Variants in SEMA3E observed in about 807,000 individuals in gnomAD.
SEMA3E encodes the protein semaphorin-3E.
In SEMA3E, 49 loss-of-function variants were observed where a neutral mutation model predicts 93.6. The ratio of observed to expected loss-of-function variants is 0.52; its 90% CI spans 0.42 to 0.66. The LOEUF (loss-of-function observed/expected upper bound fraction) is 0.66. SEMA3E is among the 30% of genes least tolerant of loss of function. The pLI is 0.00. For synonymous variants in SEMA3E, 363 were observed against 330.7 expected (o/e 1.10, Z -1.06); for missense variants, 906 against 964.8 (o/e 0.94, Z 0.81).
chr7:83,600,590 G>A (rs13311093), intron 1 of SEMA3E, among the ~76,000 whole-genome samples: 9 of 140,534 alleles, frequency 6.4e-5, no homozygotes, highest in Admixed American at 4.0e-4. Context: ...CTCGTGATCC[G>A]CCCTCCTCGG....
At chr7:83,525,531 A>G (rs1395111152) in intron 1 of SEMA3E, among the ~76,000 whole-genome samples, 2 of 105,020 alleles carry the variant, frequency 1.9e-5, no homozygotes, top group Admixed American at 1.9e-4. Context: ...TTGTTTTCTC[A>G]TGTATTTTTT....
chr7:83,532,845 A>T (rs567452386), intron 1 of SEMA3E, among the ~76,000 whole-genome samples: 1 of 151,956 alleles, frequency 6.6e-6, no homozygotes, highest in Non-Finnish European at 1.5e-5. Flanking sequence ...TGCTTCAACC[A>T]TTTGTGTGTG....
chr7:83,470,455 T>C (rs1248973948), intron 2 of SEMA3E, among the ~76,000 whole-genome samples: 1 of 152,150 alleles, frequency 6.6e-6, no homozygotes, highest in Non-Finnish European at 1.5e-5. Context: ...CTTTATTTTA[T>C]TTTTTCCTTC....
intron 4 of SEMA3E, among the ~76,000 whole-genome samples, chr7:83,455,402 C>T (rs1789459424): frequency 6.6e-6 from 1 of 152,204 alleles, no homozygotes; most frequent in Non-Finnish European, 1.5e-5. Flanking sequence ...AAAAGAACAG[C>T]TTCATTTCTC....
chr7:83,380,678 G>C (rs1270290364), intron 16 of SEMA3E, among the ~76,000 whole-genome samples: 1 of 151,872 alleles, frequency 6.6e-6, no homozygotes, highest in Non-Finnish European at 1.5e-5. Context: ...GGTTTCAACA[G>C]AATCTTTAAG....
chr7:83,487,823 G>A (rs1790298595), intron 2 of SEMA3E, among the ~76,000 whole-genome samples: 1 of 151,834 alleles, frequency 6.6e-6, no homozygotes, highest in South Asian at 2.1e-4. Context: ...AGAAAGAAAG[G>A]AAAGATAGGG....
chr7:83,367,977 T>C lies in SEMA3E; in HGVS notation c.1937A>G (p.Lys646Arg). 2 of 1,613,940 alleles carry C rather than the reference T, an allele frequency of 1.2e-6. No homozygotes were observed. Among genetic ancestry groups the C allele is most frequent in the Non-Finnish European group, 1.7e-6 (2 of 1,179,936 alleles). The change falls in exon 17 of 17, where the codon AAA becomes AGA. Residue 646 changes from lysine (K) to arginine (R), a missense_variant. Lys to Arg is a conservative substitution (Grantham distance 26). Coordinates refer to ENST00000643230, the MANE Select transcript of SEMA3E (RefSeq NM_012431.3). The stretch of plus-strand genomic sequence containing the variant: ...GCAAAAATAGGTCCCAGCATCTGAT[T>C]TGTGTAACCTTAGGAAGAGTAAACC... ...DLGLLFLRLH[K>R]SDAGTYFCQT...
intron 1 of SEMA3E, among the ~76,000 whole-genome samples, chr7:83,574,472 GAGAGA>G (rs1792358906): frequency 8.5e-6 from 1 of 117,228 alleles, no homozygotes; most frequent in South Asian, 2.4e-4. Context: ...AAAAAAAAAA[GAGAGA>G]GAGAGACTAA....
chr7:83,488,959 A>G (rs557278327), intron 2 of SEMA3E, among the ~76,000 whole-genome samples: 124 of 152,184 alleles, frequency 8.1e-4, no homozygotes, highest in Non-Finnish European at 8.4e-4. Context: ...CAAGAGGAAC[A>G]AGAAAATTGT....
chr7:83,605,735 A>C (rs1161067973), intron 1 of SEMA3E, among the ~76,000 whole-genome samples: 1 of 152,010 alleles, frequency 6.6e-6, no homozygotes, highest in African/African-American at 2.4e-5. Flanking sequence ...CCTGGCCATA[A>C]ATGTCTTCTT....
intron 1 of SEMA3E, among the ~76,000 whole-genome samples, chr7:83,533,601 G>C (rs55878104): frequency 2.7e-5 from 1 of 36,926 alleles, no homozygotes; most frequent in Non-Finnish European, 1.3e-4. Context: ...TAAAATAAAT[G>C]AAACAAGCAA....
At chr7:83,627,489 A>G (rs1793693901) in intron 1 of SEMA3E, among the ~76,000 whole-genome samples, 1 of 152,012 alleles carries the variant, frequency 6.6e-6, no homozygotes, top group Non-Finnish European at 1.5e-5. Context: ...GTGTTCCTCT[A>G]TTAGGTGCAT....
At chr7:83,390,465 T>C (rs1283098459) in intron 14 of SEMA3E, among the ~76,000 whole-genome samples, 3 of 152,086 alleles carry the variant, frequency 2.0e-5, no homozygotes, top group Non-Finnish European at 4.4e-5. Context: ...AACCATAGTG[T>C]ATTTTGGAAG....
chr7:83,622,374 T>G (rs1279270912), intron 1 of SEMA3E, among the ~76,000 whole-genome samples: 1 of 152,176 alleles, frequency 6.6e-6, no homozygotes, highest in Non-Finnish European at 1.5e-5. Flanking sequence ...GCTTATACAC[T>G]GTTAGTGGAA....
intron 2 of SEMA3E, among the ~76,000 whole-genome samples, chr7:83,477,772 C>T (rs892638748): frequency 3.3e-5 from 5 of 151,708 alleles, no homozygotes; most frequent in African/African-American, 1.2e-4. Flanking sequence ...TTCTTCTACT[C>T]GATAAAAAAT....
At chr7:83,549,708 T>C (rs564585682) in intron 1 of SEMA3E, among the ~76,000 whole-genome samples, 21 of 152,212 alleles carry the variant, frequency 1.4e-4, no homozygotes, top group African/African-American at 5.1e-4. Context: ...TATCCACTTA[T>C]TTTCATCTTC....
intron 16 of SEMA3E, 34 bp downstream of exon 16, chr7:83,385,260 A>G (rs749388864): frequency 6.2e-7 from 1 of 1,610,908 alleles, no homozygotes; most frequent in South Asian, 1.1e-5. Context: ...CTATATGCAA[A>G]ATACTATGTT....
chr7:83,639,636 A>T (rs369067915), intron 1 of SEMA3E, among the ~76,000 whole-genome samples: 1 of 150,804 alleles, frequency 6.6e-6, no homozygotes, highest in Non-Finnish European at 1.5e-5. Flanking sequence ...CTATAACACC[A>T]TATCATTCAT....
chr7:83,438,689 TAGAA>T (rs1464922169), intron 4 of SEMA3E, among the ~76,000 whole-genome samples: 1 of 151,826 alleles, frequency 6.6e-6, no homozygotes, highest in Non-Finnish European at 1.5e-5. Context: ...AACGGTCTCT[TAGAA>T]AAAAAATATG....
Sources: gnomAD v4.1 joint callset for allele counts (sites outside exome capture counted in the v4.1 genomes callset) on GRCh38, gnomAD v4.1.1 for gene constraint, MANE v1.5 for transcripts, NCBI Gene and HGNC (gene_info 2026-07-23, HGNC 2026-07-21) for gene names.